The following PRDM16 variants were observed in gnomAD, a reference collection of about 807,000 sequenced individuals.
The protein encoded by PRDM16 is PR/SET domain 16.
In PRDM16, 23 loss-of-function variants were observed where a neutral mutation model predicts 110.6. That is an observed-to-expected ratio of 0.21 (90% CI 0.15 to 0.29). PRDM16 has a LOEUF of 0.29. PRDM16 is among the 10% of genes least tolerant of loss of function. PRDM16 has a pLI of 1.00. For missense variants in PRDM16, 1,615 were observed against 1,794.3 expected (o/e 0.90, Z 1.81); for synonymous variants, 799 against 781.8 (o/e 1.02, Z -0.37).
chr1:3,181,488 A>ACAGTCTTACACATG lies in PRDM16; in HGVS notation c.38-4637_38-4636insCAGTCTTACACATG, dbSNP rs1644183510. 3.3e-4 allele frequency among the ~76,000 whole-genome samples: 4 copies of ACAGTCTTACACATG among 12,020 alleles called. 2 individuals are homozygous for ACAGTCTTACACATG. The highest frequency in any genetic ancestry group is 3.3e-3 in the Admixed American group (2 of 600). The allele number at this position is 12,020 out of a possible 152,430, so 7.9% of individuals were successfully genotyped here. A position where few individuals can be genotyped will look rare whatever the true frequency, so the allele number is the denominator to read the frequency against. The stretch of plus-strand genomic sequence containing the variant: ...GTCTTACACACGCAGTCTTACACAC[A>ACAGTCTTACACATG]GCCTTACGCATGGTCTTACACACGC... On this transcript the variant is annotated intron_variant, in intron 1 of 16. Coordinates refer to ENST00000270722, the MANE Select transcript of PRDM16 (RefSeq NM_022114.4).
intron 1 of PRDM16, among the ~76,000 whole-genome samples, chr1:3,096,586 C>A (rs945005464): frequency 6.6e-6 from 1 of 152,210 alleles, no homozygotes; most frequent in East Asian, 1.9e-4. Flanking sequence ...GGCACATTCC[C>A]TCCCTCAGTG....
At chr1:3,329,732 A>T (rs1642003036) in intron 3 of PRDM16, among the ~76,000 whole-genome samples, 1 of 152,212 alleles carries the variant, frequency 6.6e-6, no homozygotes, top group Admixed American at 6.5e-5. Flanking sequence ...AAACATTCAC[A>T]GGAGAGTGGG....
At chr1:3,391,273 C>A (rs1475850698) in intron 4 of PRDM16, among the ~76,000 whole-genome samples, 1 of 152,166 alleles carries the variant, frequency 6.6e-6, no homozygotes, top group Non-Finnish European at 1.5e-5. Flanking sequence ...TATTTCATAA[C>A]CAGCTTACAA....
intron 2 of PRDM16, among the ~76,000 whole-genome samples, chr1:3,239,481 G>C (rs1396977727): frequency 6.6e-6 from 1 of 152,152 alleles, no homozygotes; most frequent in African/African-American, 2.4e-5. Flanking sequence ...AGCTCCATCA[G>C]CCTTGCCATT....
intron 3 of PRDM16, among the ~76,000 whole-genome samples, chr1:3,345,650 C>T (rs1642345261): frequency 6.6e-6 from 1 of 152,238 alleles, no homozygotes; most frequent in African/African-American, 2.4e-5. Flanking sequence ...CCAAATGTGT[C>T]ACCGGGATGC....
intron 10 of PRDM16, 76 bp from the exon 11 acceptor site, chr1:3,417,751 GA>G: frequency 1.6e-6 from 2 of 1,237,866 alleles, no homozygotes; most frequent in East Asian, 4.6e-5. Flanking sequence ...CTGTTGTACA[GA>G]ACCCCCAGCA....
At chr1:3,419,558 G>T (rs969902089) in intron 12 of PRDM16, among the ~76,000 whole-genome samples, 3 of 152,210 alleles carry the variant, frequency 2.0e-5, no homozygotes, top group Non-Finnish European at 4.4e-5. Context: ...ATGGGGAAAC[G>T]CTGGTTTTCT....
chr1:3,286,784 A>G (rs767494185), intron 3 of PRDM16, among the ~76,000 whole-genome samples: 2 of 152,222 alleles, frequency 1.3e-5, no homozygotes, highest in Non-Finnish European at 2.9e-5. Flanking sequence ...TCGGGGAAAC[A>G]GAGGCACACA....
intron 1 of PRDM16, chr1:3,133,306 ACT>A (rs1278805488): frequency 1.3e-5 from 2 of 151,852 alleles, no homozygotes; most frequent in Non-Finnish European, 2.9e-5. Context: ...ACCATGCCAG[ACT>A]CTCCCAGGGC....
intron 8 of PRDM16, among the ~76,000 whole-genome samples, chr1:3,409,115 G>A (rs886160590): frequency 2.0e-5 from 3 of 150,208 alleles, no homozygotes; most frequent in East Asian, 2.1e-4. Context: ...GAGTGTGGGC[G>A]TGTGAGTTGA....
At chr1:3,113,709 C>G (rs762391323) in intron 1 of PRDM16, among the ~76,000 whole-genome samples, 3 of 152,208 alleles carry the variant, frequency 2.0e-5, no homozygotes, top group Non-Finnish European at 2.9e-5. Flanking sequence ...AGCTGACCAC[C>G]AAACACATCC....
chr1:3,423,397 C>G (rs1239718712), intron 12 of PRDM16, among the ~76,000 whole-genome samples: 1 of 152,140 alleles, frequency 6.6e-6, no homozygotes, highest in Non-Finnish European at 1.5e-5. Context: ...TTGGGGAGGC[C>G]CCTGCGGGTG....
chr1:3,220,196 C>T (rs1403557394), intron 2 of PRDM16, among the ~76,000 whole-genome samples: 3 of 152,166 alleles, frequency 2.0e-5, no homozygotes, highest in Non-Finnish European at 4.4e-5. Context: ...ACTCCGTCTG[C>T]GGCACCTTCC....
intron 3 of PRDM16, among the ~76,000 whole-genome samples, chr1:3,334,179 C>T (rs962247011): frequency 1.1e-4 from 16 of 152,184 alleles, no homozygotes; most frequent in Non-Finnish European, 2.2e-4. Flanking sequence ...ACCCAAACCC[C>T]GAGGACGAGT....
chr1:3,224,640 T>C (rs1310814112), intron 2 of PRDM16, among the ~76,000 whole-genome samples: 1 of 152,258 alleles, frequency 6.6e-6, no homozygotes, highest in African/African-American at 2.4e-5. Context: ...TGCAGAACTG[T>C]GTTCCCCTCT....
intron 2 of PRDM16, among the ~76,000 whole-genome samples, chr1:3,231,836 C>T (rs958334118): frequency 6.6e-6 from 1 of 152,234 alleles, no homozygotes; most frequent in South Asian, 2.1e-4. Context: ...CTTCCTGGTT[C>T]AGCTTCTCCA....
intron 3 of PRDM16, among the ~76,000 whole-genome samples, chr1:3,277,529 G>A (rs541335955): frequency 3.3e-5 from 5 of 152,364 alleles, no homozygotes; most frequent in African/African-American, 9.6e-5. Context: ...GGCTGGCCCC[G>A]ACCCTCTCCT....
At chr1:3,327,826 C>T (rs1641950963) in intron 3 of PRDM16, among the ~76,000 whole-genome samples, 1 of 152,178 alleles carries the variant, frequency 6.6e-6, no homozygotes, top group South Asian at 2.1e-4. Context: ...CTCGCCTGCC[C>T]CCCAGCACTG....
intron 3 of PRDM16, among the ~76,000 whole-genome samples, chr1:3,340,470 T>C (rs929644285): frequency 6.6e-6 from 1 of 152,226 alleles, no homozygotes; most frequent in African/African-American, 2.4e-5. Context: ...GATCAGTGCA[T>C]CTGGGGATGT....
Sources: allele counts gnomAD v4.1 joint callset (sites outside exome capture counted in the v4.1 genomes callset), GRCh38; gene constraint gnomAD v4.1.1; transcripts MANE v1.5; gene names NCBI Gene and HGNC (gene_info 2026-07-23, HGNC 2026-07-21).